Variants in CHN2 observed in about 807,000 individuals in gnomAD.
CHN2 encodes chimerin 2.
CHN2 carries 35 observed loss-of-function variants against 56.3 expected under a neutral mutation model. The ratio of observed to expected loss-of-function variants is 0.62; its 90% CI spans 0.47 to 0.82. The LOEUF is 0.82. CHN2 is among the 40% of genes least tolerant of loss of function. CHN2 has a pLI of 0.00. For missense variants in CHN2, 491 were observed against 580.5 expected (o/e 0.85, Z 1.58); for synonymous variants, 210 against 212.8 (o/e 0.99, Z 0.12).
intron 1 of CHN2, among the ~76,000 whole-genome samples, chr7:29,306,131 G>A (rs17150649): frequency 0.021 from 3,246 of 152,176 alleles, 120 homozygotes; most frequent in African/African-American, 0.075. Flanking sequence ...GCCTATTTAG[G>A]ATTTGTTATG....
At chr7:29,422,137 T>A (rs1183526994) in intron 6 of CHN2, among the ~76,000 whole-genome samples, 1 of 152,202 alleles carries the variant, frequency 6.6e-6, no homozygotes, top group Non-Finnish European at 1.5e-5. Context: ...GTTTTCCAAG[T>A]GAGGATTTTT....
At chr7:29,377,933 G>C (rs539181214) in intron 3 of CHN2, among the ~76,000 whole-genome samples, 2 of 152,172 alleles carry the variant, frequency 1.3e-5, no homozygotes, top group Middle Eastern at 3.2e-3. Context: ...CCCAACAAAG[G>C]CATATTTGGT....
chr7:29,309,800 C>T (rs7779958), intron 1 of CHN2, among the ~76,000 whole-genome samples: 41,189 of 152,190 alleles, frequency 0.27, 5,725 homozygotes, highest in Non-Finnish European at 0.31. Context: ...CACTTTGCCA[C>T]GCAGGCTGGT....
intron 1 of CHN2, among the ~76,000 whole-genome samples, chr7:29,276,411 T>G (rs941894421): frequency 2.6e-5 from 4 of 152,134 alleles, no homozygotes; most frequent in African/African-American, 9.7e-5. Context: ...CCAAGGCAGT[T>G]TGGTGGAGCA....
chr7:29,395,190 G>A (rs1390591577), intron 4 of CHN2, among the ~76,000 whole-genome samples: 4 of 152,098 alleles, frequency 2.6e-5, no homozygotes, highest in Non-Finnish European at 5.9e-5. Context: ...TTTTGAAATT[G>A]GAATTTTCTG....
intron 1 of CHN2, among the ~76,000 whole-genome samples, chr7:29,217,539 A>G (rs1785438922): frequency 6.6e-6 from 1 of 152,218 alleles, no homozygotes; most frequent in Non-Finnish European, 1.5e-5. Flanking sequence ...TGACGTATCA[A>G]ATATTTCTAA....
intron 6 of CHN2, among the ~76,000 whole-genome samples, chr7:29,410,721 A>C (rs1467215572): frequency 6.6e-6 from 1 of 152,086 alleles, no homozygotes; most frequent in African/African-American, 2.4e-5. Context: ...AAGTTATAGG[A>C]GTTGATGAAA....
chr7:29,168,220 ATTTG>A (rs951597893), intron 2 of CHN2, among the ~76,000 whole-genome samples: 25 of 152,086 alleles, frequency 1.6e-4, no homozygotes, highest in South Asian at 4.2e-4. Flanking sequence ...ATGTCGGTTT[ATTTG>A]TTTGTTTAAA....
intron 6 of CHN2, among the ~76,000 whole-genome samples, chr7:29,405,161 CCATA>C (rs1263088598): frequency 8.0e-5 from 4 of 49,808 alleles, no homozygotes; most frequent in South Asian, 6.0e-4. Flanking sequence ...GCTTATGTCA[CCATA>C]CACACACACA....
chr7:29,291,882 C>T (rs1049381011), intron 1 of CHN2, among the ~76,000 whole-genome samples: 2 of 152,172 alleles, frequency 1.3e-5, no homozygotes, highest in Admixed American at 1.3e-4. Flanking sequence ...CACACTAAAC[C>T]TGAGATAGGG....
At chr7:29,332,383 A>T (rs1293781684) in intron 1 of CHN2, among the ~76,000 whole-genome samples, 2 of 152,214 alleles carry the variant, frequency 1.3e-5, no homozygotes, top group East Asian at 1.9e-4. Flanking sequence ...CTGCTAATAC[A>T]GACAATCCCC....
intron 1 of CHN2, among the ~76,000 whole-genome samples, chr7:29,245,442 A>G (rs901532778): frequency 6.6e-5 from 10 of 152,246 alleles, no homozygotes; most frequent in Admixed American, 2.0e-4. Flanking sequence ...ACAAGGTGGT[A>G]GGTACTTCAG....
intron 1 of CHN2, among the ~76,000 whole-genome samples, chr7:29,234,859 C>T (rs1233224254): frequency 3.9e-5 from 6 of 152,084 alleles, no homozygotes; most frequent in Non-Finnish European, 8.8e-5. Context: ...AAGCCTTTTC[C>T]CAAGGTCTCA....
chr7:29,212,587 G>A, intron 1 of CHN2: 1 of 1,416,932 alleles, frequency 7.1e-7, no homozygotes, highest in Non-Finnish European at 1.0e-6. Flanking sequence ...TCAAGAAACA[G>A]AAGACCAGAA....
intron 1 of CHN2, among the ~76,000 whole-genome samples, chr7:29,326,031 T>A (rs1795772449): frequency 6.6e-6 from 1 of 152,224 alleles, no homozygotes; most frequent in South Asian, 2.1e-4. Flanking sequence ...TAAGATACTT[T>A]CTCCTAATCT....
chr7:29,359,672 C>T (rs1798578137), intron 2 of CHN2, among the ~76,000 whole-genome samples: 1 of 152,156 alleles, frequency 6.6e-6, no homozygotes, highest in Non-Finnish European at 1.5e-5. Flanking sequence ...ATACAAGAAA[C>T]ATTGATGACG....
intron 3 of CHN2, among the ~76,000 whole-genome samples, chr7:29,384,493 G>A (rs1046470946): frequency 2.6e-5 from 4 of 152,250 alleles, no homozygotes; most frequent in East Asian, 1.9e-4. Flanking sequence ...CTTGTTAAAT[G>A]TTGGCTCCTC....
chr7:29,270,092 C>G (rs1218271879), intron 1 of CHN2, among the ~76,000 whole-genome samples: 1 of 152,136 alleles, frequency 6.6e-6, no homozygotes, highest in Non-Finnish European at 1.5e-5. Flanking sequence ...GACTTGTGGC[C>G]TAAATCATAA....
chr7:29,154,527 G>C (rs245898), intron 2 of CHN2, among the ~76,000 whole-genome samples: 64 of 152,106 alleles, frequency 4.2e-4, no homozygotes, highest in African/African-American at 1.4e-3. Context: ...ACACCTGATC[G>C]ATATTTAAAG....
Sources: gnomAD v4.1 joint callset for allele counts (sites outside exome capture counted in the v4.1 genomes callset) on GRCh38, gnomAD v4.1.1 for gene constraint, MANE v1.5 for transcripts, NCBI Gene and HGNC (gene_info 2026-07-23, HGNC 2026-07-21) for gene names.